Variants in CD164 observed in about 807,000 individuals in gnomAD.
CD164 encodes the protein CD164 molecule, also known as sialomucin core protein 24.
CD164 carries 11 observed loss-of-function variants against 24.6 expected under a neutral mutation model. The ratio of observed to expected loss-of-function variants is 0.45; its 90% CI spans 0.28 to 0.74. The LOEUF is 0.74. CD164 is among the 30% of genes least tolerant of loss of function. The pLI, the probability that CD164 is intolerant of heterozygous loss-of-function variation, is 0.13. For synonymous variants in CD164, 126 were observed against 100.3 expected (o/e 1.26, Z -1.53); for missense variants, 295 against 243.7 (o/e 1.21, Z -1.40).
rs371644629 is a variant in CD164 at position 109,381,786 on chromosome 6, G to A, written c.175+418C>T. On this transcript the variant is annotated intron_variant, in intron 1 of 5. Transcript: ENST00000310786. ...GAGGCGCCGGGAGGGTGAACAACCAGTGGCAGGGAGAGGCAGCTCGGCCCC... is the reference window on the plus strand; with the variant it reads ...GAGGCGCCGGGAGGGTGAACAACCAATGGCAGGGAGAGGCAGCTCGGCCCC... 1.5e-4 allele frequency: 87 copies of A among 570,386 alleles called. No homozygotes were observed. The African/African-American group carries it at 1.6e-3, about 10-fold the overall frequency. 35.3% of individuals were successfully genotyped at this position (570,386 alleles called of 1,614,324 possible).
chr6:109,379,430 G>A lies in CD164; in HGVS notation c.259+149C>T, dbSNP rs1358211058. The A allele has an allele frequency of 9.4e-6, 5 of 531,988 alleles. No individual in the cohort carries two copies. The South Asian group carries it at 1.2e-4, about 13-fold the overall frequency. 33.0% of individuals were successfully genotyped at this position (531,988 alleles called of 1,614,324 possible). ...AAAAAGAGATTTTCAGGGGGAGTGC[G>A]AGGCAACTGGCACTTTAAAGGAGTA... On this transcript the variant is annotated intron_variant, in intron 2 of 5. Transcript: ENST00000310786.
chr6:109,373,921 T>C (rs879810581), intron 4 of CD164, among the ~76,000 whole-genome samples: 1 of 152,208 alleles, frequency 6.6e-6, no homozygotes, highest in Non-Finnish European at 1.5e-5. Context: ...ACACAATAAC[T>C]GGCTAGCAAA....
At chr6:109,380,484 G>C (rs1253120301) in intron 1 of CD164, 2 of 152,204 alleles carry the variant, frequency 1.3e-5, no homozygotes, top group African/African-American at 4.8e-5. Context: ...CTAAAAAATA[G>C]TTCTGCAGAG....
At chr6:109,373,122 T>C (rs1400117474) in intron 4 of CD164, among the ~76,000 whole-genome samples, 3 of 151,922 alleles carry the variant, frequency 2.0e-5, no homozygotes, top group African/African-American at 7.3e-5. Context: ...CCAAAAAAAA[T>C]ACTGAATTAG....
At chr6:109,378,901 G>A (rs1469419258) in intron 2 of CD164, among the ~76,000 whole-genome samples, 12 of 146,600 alleles carry the variant, frequency 8.2e-5, no homozygotes, top group South Asian at 6.5e-4. Context: ...AAAAAAAACC[G>A]CCAAAACAAC....
chr6:109,375,767 A>G (rs560615465), intron 4 of CD164: 174 of 279,378 alleles, frequency 6.2e-4, no homozygotes, highest in African/African-American at 3.8e-3. Flanking sequence ...GGATGATGAG[A>G]ATTATAATTT....
intron 4 of CD164, among the ~76,000 whole-genome samples, chr6:109,374,667 G>A (rs1771293484): frequency 6.6e-6 from 1 of 152,322 alleles, no homozygotes; most frequent in East Asian, 1.9e-4. Flanking sequence ...ATACAAAGGT[G>A]TTTCCCAATT....
At chr6:109,372,254 T>A (rs1411568888) in intron 4 of CD164, 4 of 152,166 alleles carry the variant, frequency 2.6e-5, no homozygotes, top group Non-Finnish European at 5.9e-5. Context: ...AAATATACAC[T>A]AAAAGAGCAG....
intron 1 of CD164, 121 bp from the exon 2 acceptor site, chr6:109,379,783 G>C (rs1562243681): frequency 3.0e-6 from 2 of 664,844 alleles, no homozygotes; most frequent in East Asian, 2.9e-5. Context: ...TACTAATTCA[G>C]ATAAATGATA....
At position 109,382,372 on chromosome 6, in the gene CD164, G is replaced by A. The variant is rs370527333; in HGVS notation, c.7C>T (p.Arg3Trp). MS[R>W]LSRSLLWAAT... ...GCCCAAAGCAGTGAGCGGGAGAGCCGCGACATCGTGTCCTCAGCGCTGGCG... is the reference window on the plus strand; with the variant it reads ...GCCCAAAGCAGTGAGCGGGAGAGCCACGACATCGTGTCCTCAGCGCTGGCG... Residue 3 changes from arginine to tryptophan, a missense_variant, in exon 1 of 6, where the codon CGG becomes TGG. Arg to Trp is a moderately radical substitution (Grantham distance 101). Transcript: ENST00000310786. 5.2e-6 allele frequency: 8 copies of A among 1,540,438 alleles called. No individual in the cohort carries two copies. The East Asian group carries it at 1.5e-4, about 28-fold the overall frequency.
intron 4 of CD164, chr6:109,371,017 A>G (rs369413541): frequency 7.8e-5 from 12 of 152,940 alleles, no homozygotes; most frequent in Middle Eastern, 3.4e-3. Context: ...ATAAAGCTTT[A>G]TAAGAACAGG....
At chr6:109,380,407 A>G (rs1771670245) in intron 1 of CD164, 1 of 152,190 alleles carries the variant, frequency 6.6e-6, no homozygotes, top group South Asian at 2.1e-4. Context: ...GAAAAAAAAG[A>G]ATTGGGCTCC....
chr6:109,369,158 C>A, intron 5 of CD164, 141 bp from the exon 6 acceptor site: 2 of 725,212 alleles, frequency 2.8e-6, no homozygotes, highest in Non-Finnish European at 4.5e-6. Context: ...AGAATTTATC[C>A]CTAATTGAGG....
At chr6:109,369,088 T>G in intron 5 of CD164, 71 bp from the exon 6 acceptor site, 1 of 1,323,156 alleles carries the variant, frequency 7.6e-7, no homozygotes, top group Non-Finnish European at 1.1e-6. Flanking sequence ...AAGATGCACC[T>G]GAGCCTCTAT....
At position 109,372,832 on chromosome 6, in the gene CD164, A is replaced by T. The variant is rs1413550613; in HGVS notation, c.371-2365T>A. On this transcript the variant is annotated intron_variant, in intron 4 of 5. Transcript: ENST00000310786. ...AATTGTTTGACAATGTTAGGAAAAAAATTCTGCAAATTTGCAATTTGGTTC... is the reference window on the plus strand; with the variant it reads ...AATTGTTTGACAATGTTAGGAAAAATATTCTGCAAATTTGCAATTTGGTTC... 5 of 152,252 alleles carry T rather than the reference A, an allele frequency of 3.3e-5. No homozygotes were observed. In the South Asian group the frequency reaches 6.2e-4, roughly 19 times the overall value. 9.4% of individuals were successfully genotyped at this position (152,252 alleles called of 1,614,324 possible).
intron 3 of CD164, among the ~76,000 whole-genome samples, chr6:109,376,775 T>C (rs1322800779): frequency 6.6e-6 from 1 of 152,238 alleles, no homozygotes; most frequent in African/African-American, 2.4e-5. Context: ...ATCTTGTCTC[T>C]AAGCAATATT....
In CD164 at chr6:109,379,637, G is replaced by A. The variant is rs374156791; in HGVS notation, c.201C>T (p.Cys67=). Residue 67 remains cysteine, a synonymous_variant, in exon 2 of 6, where the codon TGC becomes TGT. Coordinates refer to ENST00000310786, the MANE Select transcript of CD164 (RefSeq NM_006016.6). ...APETCEGRNS[C]VSCFNVSVVN... ...CAACGCTAACATTAAAACAGGAAAC[G>A]CAGCTGTTTCGACCTTCACAGGTTT... 9 of 1,613,236 alleles carry A rather than the reference G, an allele frequency of 5.6e-6. No homozygotes were observed. Among genetic ancestry groups the A allele is most frequent in the Admixed American group, 5.0e-5 (3 of 59,874 alleles).
intron 4 of CD164, among the ~76,000 whole-genome samples, chr6:109,374,728 C>T (rs949451137): frequency 1.3e-5 from 2 of 152,176 alleles, no homozygotes; most frequent in Non-Finnish European, 2.9e-5. Flanking sequence ...TCCTTCTCAC[C>T]TTGTACAGGA....
At position 109,367,829 on chromosome 6, in the gene CD164, A is replaced by G. The variant is rs192803072; in HGVS notation, c.*1022T>C. The G allele has an allele frequency of 9.8e-5, 15 of 153,032 alleles. No homozygotes were observed. Among genetic ancestry groups the G allele is most frequent in the African/African-American group, 3.6e-4 (15 of 41,576 alleles). 9.5% of individuals were successfully genotyped at this position (153,032 alleles called of 1,614,324 possible). ...AAATAATGTATATCCTTCTTGCCTC[A>G]CCAAAGAAGTCACTACTCAAGACAG... On this transcript the variant is annotated 3_prime_UTR_variant, in exon 6 of 6. Coordinates refer to ENST00000310786, the MANE Select transcript of CD164 (RefSeq NM_006016.6).
Sources: gnomAD v4.1 joint callset for allele counts (sites outside exome capture counted in the v4.1 genomes callset) on GRCh38, gnomAD v4.1.1 for gene constraint, MANE v1.5 for transcripts, NCBI Gene and HGNC (gene_info 2026-07-23, HGNC 2026-07-21) for gene names.